The following TDRD9 variants were observed in gnomAD, a reference collection of about 807,000 sequenced individuals.
TDRD9 encodes ATP-dependent RNA helicase TDRD9.
TDRD9 carries 124 observed loss-of-function variants against 172.6 expected under a neutral mutation model. The ratio of observed to expected loss-of-function variants is 0.72; its 90% CI spans 0.62 to 0.83. The LOEUF is 0.83. Among genes scored for constraint, TDRD9 ranks in the 40% least tolerant of loss-of-function variants. TDRD9 has a pLI of 0.00. For missense variants in TDRD9, 1,479 were observed against 1,714.1 expected (o/e 0.86, Z 2.42); for synonymous variants, 619 against 617.1 (o/e 1.00, Z -0.05).
chr14:103,931,042 C>T (rs1175474432), intron 1 of TDRD9, among the ~76,000 whole-genome samples: 2 of 151,964 alleles, frequency 1.3e-5, no homozygotes, highest in Non-Finnish European at 2.9e-5. Flanking sequence ...ACCTGTAATC[C>T]CAGCACTTTG....
chr14:104,034,145 T>C lies in TDRD9; in HGVS notation c.3619+76T>C, dbSNP rs557052582. 1.8e-5 allele frequency: 15 copies of C among 825,500 alleles called. No individual in the cohort carries two copies. The East Asian group carries it at 2.7e-4, about 15-fold the overall frequency. The allele number at this position is 825,500 out of a possible 1,614,324, so 51.1% of individuals were successfully genotyped here. ...GACTTCAGCTACTAGGAACAACTTA[T>C]CCTATAATTGGTGAACAAGTCTACA... On this transcript the variant is annotated intron_variant, in intron 31 of 35. Coordinates refer to ENST00000409874, the MANE Select transcript of TDRD9 (RefSeq NM_153046.3).
At chr14:103,974,667 A>G (rs2033164423) in intron 6 of TDRD9, among the ~76,000 whole-genome samples, 2 of 152,056 alleles carry the variant, frequency 1.3e-5, no homozygotes, top group Admixed American at 1.3e-4. Context: ...TAGAAACAGG[A>G]TCTTGCTCTG....
intron 2 of TDRD9, 80 bp from the exon 3 acceptor site, chr14:103,962,999 G>A (rs1297448904): frequency 6.1e-6 from 4 of 653,932 alleles, no homozygotes; most frequent in African/African-American, 4.1e-5. Context: ...TGTGTATGCT[G>A]TATCTATAGA....
intron 3 of TDRD9, among the ~76,000 whole-genome samples, chr14:103,963,484 TC>T (rs33910910): frequency 0.34 from 51,458 of 152,106 alleles, 8,899 homozygotes; most frequent in Middle Eastern, 0.37. Context: ...CACTTAGTCT[TC>T]CCCAGGAGAG....
chr14:103,966,925 TTTC>T, intron 5 of TDRD9, 94 bp downstream of exon 5: 1 of 1,171,950 alleles, frequency 8.5e-7, no homozygotes. Flanking sequence ...CTGTCTCAGC[TTTC>T]TTTATTTTTT....
At chr14:104,016,337 G>T (rs7158223) in intron 22 of TDRD9, among the ~76,000 whole-genome samples, 58,190 of 152,020 alleles carry the variant, frequency 0.38, 11,413 homozygotes, top group African/African-American at 0.45. Context: ...TACGTTCAAG[G>T]TCAATGCTGA....
intron 7 of TDRD9, among the ~76,000 whole-genome samples, chr14:103,975,916 G>A (rs1039910377): frequency 7.9e-5 from 12 of 152,316 alleles, no homozygotes; most frequent in Non-Finnish European, 1.2e-4. Context: ...AAAACTGGGC[G>A]TAGTGGTGGG....
intron 1 of TDRD9, among the ~76,000 whole-genome samples, chr14:103,946,169 C>A (rs2031549101): frequency 6.6e-6 from 1 of 151,948 alleles, no homozygotes; most frequent in Non-Finnish European, 1.5e-5. Context: ...TCTCACTCAC[C>A]ATGTTGCCCA....
At chr14:104,014,633 C>T in intron 20 of TDRD9, 92 bp from the exon 21 acceptor site, 3 of 701,408 alleles carry the variant, frequency 4.3e-6, no homozygotes, top group South Asian at 3.3e-5. Flanking sequence ...TGTGTTTATA[C>T]TTTACCCGTT....
intron 6 of TDRD9, among the ~76,000 whole-genome samples, chr14:103,971,244 A>C (rs536807626): frequency 6.6e-6 from 1 of 151,802 alleles, no homozygotes. Context: ...TGGCCTCCCA[A>C]ATTGCTGGGA....
intron 2 of TDRD9, among the ~76,000 whole-genome samples, chr14:103,960,381 G>T (rs2152138659): frequency 6.6e-6 from 1 of 152,266 alleles, no homozygotes; most frequent in East Asian, 1.9e-4. Context: ...AATTTTTATG[G>T]CTTCCAGTTT....
chr14:103,957,484 T>C (rs1375511637), intron 2 of TDRD9, among the ~76,000 whole-genome samples: 2 of 152,256 alleles, frequency 1.3e-5, no homozygotes, highest in African/African-American at 2.4e-5. Context: ...TTTCTACTTA[T>C]GCTAAGAAAA....
At chr14:103,931,347 A>C (rs2030379462) in intron 1 of TDRD9, among the ~76,000 whole-genome samples, 1 of 152,190 alleles carries the variant, frequency 6.6e-6, no homozygotes, top group Non-Finnish European at 1.5e-5. Flanking sequence ...TGTGAAATTG[A>C]TGTAAACATT....
At chr14:103,965,064 T>A (rs763406587) in intron 3 of TDRD9, among the ~76,000 whole-genome samples, 1 of 151,898 alleles carries the variant, frequency 6.6e-6, no homozygotes, top group Non-Finnish European at 1.5e-5. Context: ...ATACAAAAAT[T>A]AGCTGGGTGT....
intron 29 of TDRD9, among the ~76,000 whole-genome samples, chr14:104,031,495 A>T (rs1420218381): frequency 2.3e-5 from 3 of 131,138 alleles, no homozygotes; most frequent in Non-Finnish European, 1.7e-5. Context: ...TTTTTTTTAA[A>T]CCCTCCTGAC....
At chr14:103,929,362 T>C (rs2030212124) in intron 1 of TDRD9, among the ~76,000 whole-genome samples, 1 of 151,996 alleles carries the variant, frequency 6.6e-6, no homozygotes, top group East Asian at 1.9e-4. Flanking sequence ...TTTTGATGGG[T>C]TTCTGTCACT....
At chr14:103,994,779 A>G (rs1446812786) in intron 11 of TDRD9, among the ~76,000 whole-genome samples, 176 bp downstream of exon 11, 1 of 151,996 alleles carries the variant, frequency 6.6e-6, no homozygotes, top group African/African-American at 2.4e-5. Context: ...TCATGGCGAA[A>G]CCCCATCTCT....
Position 104,040,274 on chromosome 14 carries a change from G to A in TDRD9, c.3795G>A (p.Leu1265=). ...ATCCAGCTACAGGGGCTTCCATACT[G>A]CCCGAGCACGACATGGAGCTTGCGT... is the stretch of plus-strand genomic sequence containing the variant. The part of the protein sequence containing the change: ...GWNPATGASI[L]PEHDMELAFD... The change falls in exon 33 of 36, where the codon CTG becomes CTA. Residue 1265 remains leucine, a synonymous_variant. Transcript: ENST00000409874. 1 of 1,551,644 alleles carries A rather than the reference G, an allele frequency of 6.4e-7. No individual in the cohort carries two copies.
chr14:103,988,051 A>T (rs756113731), intron 8 of TDRD9, among the ~76,000 whole-genome samples: 1 of 152,174 alleles, frequency 6.6e-6, no homozygotes, highest in Non-Finnish European at 1.5e-5. Context: ...GTGTATTAGT[A>T]TAGCCATTTC....
Sources: gnomAD v4.1 joint callset for allele counts (sites outside exome capture counted in the v4.1 genomes callset) on GRCh38, gnomAD v4.1.1 for gene constraint, MANE v1.5 for transcripts, NCBI Gene and HGNC (gene_info 2026-07-23, HGNC 2026-07-21) for gene names.